PDZRN4: variants seen among roughly 807,000 people sequenced by gnomAD.
PDZRN4 encodes PDZ domain containing ring finger 4.
PDZRN4 carries 70 observed loss-of-function variants against 99.0 expected under a neutral mutation model. The ratio of observed to expected loss-of-function variants is 0.71; its 90% CI spans 0.58 to 0.86. The LOEUF (loss-of-function observed/expected upper bound fraction) is 0.86. PDZRN4 is among the 40% of genes least tolerant of loss of function. PDZRN4 has a pLI of 0.00. For missense variants in PDZRN4, 1,474 were observed against 1,331.2 expected (o/e 1.11, Z -1.67); for synonymous variants, 551 against 501.6 (o/e 1.10, Z -1.32).
chr12:41,246,633 A>G (rs1591983444), intron 3 of PDZRN4, among the ~76,000 whole-genome samples: 1 of 152,276 alleles, frequency 6.6e-6, no homozygotes, highest in East Asian at 1.9e-4. Flanking sequence ...GATCAACTGC[A>G]GGGGCTTGAC....
intron 3 of PDZRN4, among the ~76,000 whole-genome samples, chr12:41,274,708 GT>G (rs1167403312): frequency 2.0e-5 from 3 of 152,132 alleles, no homozygotes; most frequent in Non-Finnish European, 4.4e-5. Context: ...ATTAGGAAAA[GT>G]TTTCTTATAT....
Position 41,198,827 on chromosome 12 carries a change from T to A in PDZRN4, c.843+4639T>A, listed in dbSNP as rs540239868. Among the ~76,000 whole-genome samples the A allele has an allele frequency of 3.9e-5, 6 of 152,240 alleles. No homozygotes were observed. In the East Asian group the frequency reaches 1.2e-3, roughly 29 times the overall value. On this transcript the variant is annotated intron_variant, in intron 3 of 9. Transcript: ENST00000402685. Reference sequence around the variant, plus strand: ...TGTCAGTGTAGCACTTTCCATTAAGTGCTGTTTATTACCAGAAGAAAGAGT... The same window carrying A: ...TGTCAGTGTAGCACTTTCCATTAAGAGCTGTTTATTACCAGAAGAAAGAGT...
chr12:41,455,164 G>A (rs1392251923), intron 3 of PDZRN4, among the ~76,000 whole-genome samples: 1 of 152,078 alleles, frequency 6.6e-6, no homozygotes, highest in Non-Finnish European at 1.5e-5. Flanking sequence ...GGATTTTTTA[G>A]GGGGATGAAT....
At chr12:41,354,068 C>T (rs140493158) in intron 3 of PDZRN4, among the ~76,000 whole-genome samples, 4 of 152,182 alleles carry the variant, frequency 2.6e-5, no homozygotes, top group African/African-American at 9.6e-5. Flanking sequence ...GCCATATTAA[C>T]AAGGCAGCTG....
chr12:41,311,202 A>T (rs1411171001), intron 3 of PDZRN4, among the ~76,000 whole-genome samples: 2 of 152,158 alleles, frequency 1.3e-5, no homozygotes, highest in African/African-American at 4.8e-5. Context: ...GTTTTAATAA[A>T]TTGTTTAAAA....
At chr12:41,190,837 T>A (rs919863144) in intron 1 of PDZRN4, among the ~76,000 whole-genome samples, 1 of 152,100 alleles carries the variant, frequency 6.6e-6, no homozygotes, top group Non-Finnish European at 1.5e-5. Flanking sequence ...GTTTTACTAT[T>A]ATTTGGCCAG....
chr12:41,449,857 G>A (rs914715865), intron 3 of PDZRN4, among the ~76,000 whole-genome samples: 9 of 151,774 alleles, frequency 5.9e-5, no homozygotes, highest in Non-Finnish European at 8.8e-5. Flanking sequence ...TTTATTTTAC[G>A]TGGTTTTTGT....
chr12:41,507,101 C>T (rs752068263), intron 4 of PDZRN4, among the ~76,000 whole-genome samples: 3 of 152,146 alleles, frequency 2.0e-5, no homozygotes, highest in Non-Finnish European at 2.9e-5. Context: ...ATCTTGGCAC[C>T]ACATTCTCCT....
intron 3 of PDZRN4, among the ~76,000 whole-genome samples, chr12:41,292,810 A>C (rs886993266): frequency 6.6e-6 from 1 of 152,136 alleles, no homozygotes; most frequent in Non-Finnish European, 1.5e-5. Context: ...AGAGTTGTGC[A>C]TCACACCATT....
intron 3 of PDZRN4, among the ~76,000 whole-genome samples, chr12:41,392,464 G>A (rs1952216586): frequency 6.6e-6 from 1 of 152,060 alleles, no homozygotes; most frequent in African/African-American, 2.4e-5. Context: ...CTAACTTGAT[G>A]TCTTAGCTTG....
intron 3 of PDZRN4, among the ~76,000 whole-genome samples, chr12:41,379,187 T>C (rs1416094600): frequency 6.6e-6 from 1 of 151,584 alleles, no homozygotes; most frequent in Non-Finnish European, 1.5e-5. Context: ...ATTTCTGTAA[T>C]ATCAGTTATA....
chr12:41,242,538 TC>T (rs1163051486), intron 3 of PDZRN4, among the ~76,000 whole-genome samples: 2 of 152,244 alleles, frequency 1.3e-5, no homozygotes, highest in East Asian at 3.9e-4. Context: ...CTATTCAGGA[TC>T]AACACAAAGC....
chr12:41,232,036 A>C (rs976027133), intron 3 of PDZRN4, among the ~76,000 whole-genome samples: 3 of 152,068 alleles, frequency 2.0e-5, no homozygotes, highest in African/African-American at 7.2e-5. Flanking sequence ...CTAAACAAAG[A>C]CGAGGTATAT....
At chr12:41,479,993 G>A (rs1370692665) in intron 3 of PDZRN4, among the ~76,000 whole-genome samples, 3 of 152,154 alleles carry the variant, frequency 2.0e-5, no homozygotes, top group Non-Finnish European at 4.4e-5. Flanking sequence ...GATGGTTCAT[G>A]TCTTGTAAAG....
chr12:41,246,273 G>A (rs7313218), intron 3 of PDZRN4, among the ~76,000 whole-genome samples: 3 of 151,828 alleles, frequency 2.0e-5, no homozygotes, highest in African/African-American at 4.8e-5. Context: ...ATTCATCGAG[G>A]TTTTAAAACA....
chr12:41,263,769 T>G (rs973973305), intron 3 of PDZRN4, among the ~76,000 whole-genome samples: 11 of 152,186 alleles, frequency 7.2e-5, no homozygotes, highest in Non-Finnish European at 1.2e-4. Flanking sequence ...ACATGAATTT[T>G]TGTGCTTATA....
intron 3 of PDZRN4, among the ~76,000 whole-genome samples, chr12:41,461,654 T>C (rs1565589122): frequency 6.6e-6 from 1 of 152,182 alleles, no homozygotes; most frequent in Non-Finnish European, 1.5e-5. Flanking sequence ...GGGATCAAGA[T>C]TGATATGATT....
At chr12:41,438,581 T>C (rs1258572274) in intron 3 of PDZRN4, among the ~76,000 whole-genome samples, 1 of 152,208 alleles carries the variant, frequency 6.6e-6, no homozygotes, top group Non-Finnish European at 1.5e-5. Flanking sequence ...CTCTTACCAC[T>C]TGTTATTGGA....
At chr12:41,371,853 T>G (rs1174904252) in intron 3 of PDZRN4, among the ~76,000 whole-genome samples, 1 of 152,146 alleles carries the variant, frequency 6.6e-6, no homozygotes, top group African/African-American at 2.4e-5. Flanking sequence ...ATGTGAGATA[T>G]GCCGTCAATG....
Sources: allele counts gnomAD v4.1 joint callset (sites outside exome capture counted in the v4.1 genomes callset), GRCh38; gene constraint gnomAD v4.1.1; transcripts MANE v1.5; gene names NCBI Gene and HGNC (gene_info 2026-07-23, HGNC 2026-07-21).